Variants in DLG2 observed in about 807,000 individuals in gnomAD.
DLG2 encodes the protein disks large homolog 2.
Under a neutral mutation model 132.5 loss-of-function variants are expected in DLG2, and 45 were observed. That is an observed-to-expected ratio of 0.34 (90% CI 0.27 to 0.44). DLG2 has a LOEUF of 0.44. DLG2 is among the 20% of genes least tolerant of loss of function. DLG2 has a pLI of 1.00. For synonymous variants in DLG2, 424 were observed against 419.6 expected, an observed-to-expected ratio of 1.01 and a Z score of -0.13; for missense variants, 1,045 against 1,196.9, an observed-to-expected ratio of 0.87 and a Z score of 1.87.
At chr11:85,010,739 C>T (rs1373500439) in intron 6 of DLG2, among the ~76,000 whole-genome samples, 1 of 151,978 alleles carries the variant, frequency 6.6e-6, no homozygotes, top group East Asian at 1.9e-4. Flanking sequence ...CACTTATGGG[C>T]TTCCTTAAAG....
At chr11:84,203,089 T>G (rs985191719) in intron 8 of DLG2, among the ~76,000 whole-genome samples, 2 of 151,564 alleles carry the variant, frequency 1.3e-5, no homozygotes, top group African/African-American at 4.8e-5. Flanking sequence ...AAAATACCAT[T>G]TGACCGAACA....
chr11:84,306,251 A>T (rs950273387), intron 7 of DLG2, among the ~76,000 whole-genome samples: 2 of 152,178 alleles, frequency 1.3e-5, no homozygotes, highest in Non-Finnish European at 2.9e-5. Context: ...ATAGGGCCCC[A>T]TAAATATATA....
At chr11:85,507,619 C>A (rs1380870442) in intron 3 of DLG2, among the ~76,000 whole-genome samples, 1 of 150,120 alleles carries the variant, frequency 6.7e-6, no homozygotes, top group East Asian at 2.0e-4. Flanking sequence ...GGTAACCCGA[C>A]TTCTCTGGCT....
chr11:84,937,656 A>AGGT (rs1308227969), intron 6 of DLG2, among the ~76,000 whole-genome samples: 1 of 152,146 alleles, frequency 6.6e-6, no homozygotes, highest in Non-Finnish European at 1.5e-5. Flanking sequence ...CAAAAGTGAG[A>AGGT]GGTAAATGGA....
intron 6 of DLG2, among the ~76,000 whole-genome samples, chr11:84,753,096 C>T (rs1193960005): frequency 3.9e-5 from 6 of 152,078 alleles, no homozygotes; most frequent in African/African-American, 1.4e-4. Flanking sequence ...AAGTTATTAG[C>T]AAATGAGTCA....
intron 9 of DLG2, among the ~76,000 whole-genome samples, chr11:84,162,405 C>A (rs967872655): frequency 3.3e-5 from 5 of 151,652 alleles, no homozygotes; most frequent in African/African-American, 1.2e-4. Flanking sequence ...ATAATATAAT[C>A]TAGGTAGACC....
At chr11:85,112,008 A>G (rs1282444796) in intron 5 of DLG2, among the ~76,000 whole-genome samples, 5 of 151,950 alleles carry the variant, frequency 3.3e-5, no homozygotes, top group African/African-American at 7.2e-5. Context: ...TTCAATACCA[A>G]CCACCTGAGA....
chr11:84,096,165 T>C (rs949307687), intron 10 of DLG2, among the ~76,000 whole-genome samples: 12 of 152,152 alleles, frequency 7.9e-5, no homozygotes, highest in African/African-American at 2.7e-4. Flanking sequence ...AGCTGGGTGA[T>C]CTTAAAATCA....
chr11:84,045,201 T>G (rs1593937083), intron 11 of DLG2, among the ~76,000 whole-genome samples: 1 of 151,806 alleles, frequency 6.6e-6, no homozygotes, highest in Non-Finnish European at 1.5e-5. Context: ...TCCTTATACC[T>G]GTGGTATTCA....
intron 7 of DLG2, among the ~76,000 whole-genome samples, chr11:84,298,811 G>T (rs976686596): frequency 6.6e-6 from 1 of 152,194 alleles, no homozygotes; most frequent in Non-Finnish European, 1.5e-5. Context: ...GATTTGGCTG[G>T]AGACTGCATG....
chr11:84,197,036 CAAAAAAAAAAA>C (rs60877284), intron 8 of DLG2, among the ~76,000 whole-genome samples: 87 of 87,926 alleles, frequency 9.9e-4, no homozygotes, highest in African/African-American at 3.7e-3. Context: ...GACTCTTTCT[CAAAAAAAAAAA>C]AAAAAAAAAG....
chr11:83,532,335 T>C (rs2141066995), intron 21 of DLG2, among the ~76,000 whole-genome samples: 1 of 152,272 alleles, frequency 6.6e-6, no homozygotes, highest in South Asian at 2.1e-4. Flanking sequence ...TGAAACAGAC[T>C]AGATATATTT....
intron 5 of DLG2, among the ~76,000 whole-genome samples, chr11:85,144,009 T>A (rs1238331267): frequency 6.6e-6 from 1 of 151,958 alleles, no homozygotes; most frequent in Non-Finnish European, 1.5e-5. Context: ...ATCTGTTCAA[T>A]GCTAAAAATG....
At chr11:83,982,710 A>G (rs1380781022) in intron 11 of DLG2, among the ~76,000 whole-genome samples, 11 of 152,124 alleles carry the variant, frequency 7.2e-5, no homozygotes, top group Non-Finnish European at 1.5e-4. Context: ...GTAGTGTACA[A>G]TAATGTACTA....
chr11:84,946,278 A>C (rs758008989), intron 6 of DLG2, among the ~76,000 whole-genome samples: 4 of 152,068 alleles, frequency 2.6e-5, no homozygotes, highest in Non-Finnish European at 1.5e-5. Flanking sequence ...CTTCAAACAG[A>C]AGGAATCCCT....
intron 7 of DLG2, among the ~76,000 whole-genome samples, chr11:84,420,931 G>A (rs1293163098): frequency 6.6e-6 from 1 of 151,828 alleles, no homozygotes; most frequent in Non-Finnish European, 1.5e-5. Flanking sequence ...GCCTCCCAAA[G>A]TGCTGGGATT....
chr11:84,008,969 A>C (rs1220694323), intron 11 of DLG2, among the ~76,000 whole-genome samples: 1 of 151,198 alleles, frequency 6.6e-6, no homozygotes, highest in Non-Finnish European at 1.5e-5. Context: ...AGTGGGAATC[A>C]AGCATGTACT....
At chr11:84,517,573 A>T (rs879202907) in intron 7 of DLG2, among the ~76,000 whole-genome samples, 1 of 151,940 alleles carries the variant, frequency 6.6e-6, no homozygotes, top group Non-Finnish European at 1.5e-5. Flanking sequence ...AACCATTATG[A>T]AAAAGAGTAT....
intron 6 of DLG2, among the ~76,000 whole-genome samples, chr11:84,849,627 T>C (rs1003925690): frequency 6.6e-6 from 1 of 152,136 alleles, no homozygotes; most frequent in Admixed American, 6.6e-5. Context: ...GGTTCCTTCT[T>C]ACCCTCTAGA....
Sources: allele counts gnomAD v4.1 joint callset (sites outside exome capture counted in the v4.1 genomes callset), GRCh38; gene constraint gnomAD v4.1.1; transcripts MANE v1.5; gene names NCBI Gene and HGNC (gene_info 2026-07-23, HGNC 2026-07-21).